Variants in NCAPD3 observed in about 807,000 individuals in gnomAD.
NCAPD3 encodes the protein non-SMC condensin II complex subunit D3.
NCAPD3 carries 105 observed loss-of-function variants against 182.9 expected under a neutral mutation model. The observed-to-expected ratio is 0.57, with a 90% CI of 0.49 to 0.68. The LOEUF is 0.68. NCAPD3 is among the 30% of genes least tolerant of loss of function. The probability of loss-of-function intolerance (pLI) is 0.00; values close to 1 mark genes in which losing one functional copy is unlikely to be tolerated. For synonymous variants in NCAPD3, 815 were observed against 679.9 expected (o/e 1.20, Z -3.09); for missense variants, 1,944 against 1,837.0 (o/e 1.06, Z -1.07).
intron 28 of NCAPD3, among the ~76,000 whole-genome samples, chr11:134,161,211 C>A (rs1230513902): frequency 6.6e-6 from 1 of 152,068 alleles, no homozygotes; most frequent in African/African-American, 2.4e-5. Context: ...GCATTTATTT[C>A]TTAGTAAAAG....
chr11:134,191,704 A>G (rs10894784), intron 16 of NCAPD3, among the ~76,000 whole-genome samples: 66,955 of 151,922 alleles, frequency 0.44, 16,961 homozygotes, highest in African/African-American at 0.71. Flanking sequence ...AAATCTCTCC[A>G]TTCTAGAAAT....
chr11:134,164,879 A>C (rs549196455), intron 27 of NCAPD3, among the ~76,000 whole-genome samples: 68 of 147,466 alleles, frequency 4.6e-4, no homozygotes, highest in African/African-American at 1.7e-3. Flanking sequence ...CTACATACTC[A>C]CTTGTGACAT....
rs749564929 is a variant in NCAPD3, at chr11:134,192,642, C to T, written c.2045+47G>A. ...TAGGAGAAATTTATTAATACAAAGTCCTACGGCCTTCTTCTATAGGGAACA... is the reference window on the plus strand; with the variant it reads ...TAGGAGAAATTTATTAATACAAAGTTCTACGGCCTTCTTCTATAGGGAACA... On this transcript the variant is annotated intron_variant, in intron 16 of 34. Coordinates refer to ENST00000534548, the MANE Select transcript of NCAPD3 (RefSeq NM_015261.3). The T allele has an allele frequency of 7.2e-6, 11 of 1,520,522 alleles. 1 individual carries two copies. The highest frequency in any genetic ancestry group is 5.7e-5 in the South Asian group (5 of 88,214). 94.2% of individuals were successfully genotyped at this position (1,520,522 alleles called of 1,614,324 possible).
chr11:134,190,031 C>T (rs1193923522), intron 16 of NCAPD3, among the ~76,000 whole-genome samples: 1 of 152,198 alleles, frequency 6.6e-6, no homozygotes, highest in Non-Finnish European at 1.5e-5. Flanking sequence ...ATAGAGATTA[C>T]TGACCTATTG....
At chr11:134,188,113 C>A (rs1185231630) in intron 16 of NCAPD3, among the ~76,000 whole-genome samples, 1 of 152,166 alleles carries the variant, frequency 6.6e-6, no homozygotes, top group African/African-American at 2.4e-5. Flanking sequence ...ATTGTAAGCA[C>A]ACCAATCAGC....
chr11:134,170,644 T>A (rs961728608), intron 24 of NCAPD3, among the ~76,000 whole-genome samples: 1 of 152,250 alleles, frequency 6.6e-6, no homozygotes, highest in East Asian at 1.9e-4. Flanking sequence ...TCAATGCCAA[T>A]CGACTCAGTT....
intron 16 of NCAPD3, among the ~76,000 whole-genome samples, chr11:134,191,172 T>A (rs1373849250): frequency 6.6e-6 from 1 of 152,202 alleles, no homozygotes; most frequent in East Asian, 1.9e-4. Flanking sequence ...TGATTCCAGG[T>A]TTAATAATGA....
chr11:134,175,896 C>T (rs1191176218), intron 24 of NCAPD3, among the ~76,000 whole-genome samples: 1 of 152,072 alleles, frequency 6.6e-6, no homozygotes, highest in African/African-American at 2.4e-5. Context: ...TTCCTAGTTT[C>T]CTCCTTAAAA....
At chr11:134,198,997 G>A (rs1266854556) in intron 13 of NCAPD3, among the ~76,000 whole-genome samples, 8 of 152,012 alleles carry the variant, frequency 5.3e-5, no homozygotes, top group Admixed American at 6.6e-5. Flanking sequence ...ATTAACAAAC[G>A]AACATGGCAA....
At chr11:134,165,231 G>T (rs61909691) in intron 27 of NCAPD3, among the ~76,000 whole-genome samples, 1 of 150,262 alleles carries the variant, frequency 6.7e-6, no homozygotes, top group East Asian at 2.0e-4. Flanking sequence ...GAGCTTAGGG[G>T]AGCAGCACGC....
chr11:134,215,910 G>C (rs116764559), intron 3 of NCAPD3, among the ~76,000 whole-genome samples: 2 of 152,244 alleles, frequency 1.3e-5, no homozygotes, highest in South Asian at 4.2e-4. Context: ...TCATAAACCC[G>C]AAACATTTAA....
intron 13 of NCAPD3, 47 bp from the exon 14 acceptor site, chr11:134,194,785 A>T (rs368946247): frequency 1.2e-5 from 15 of 1,298,232 alleles, no homozygotes; most frequent in Middle Eastern, 3.7e-4. Flanking sequence ...GAAAAGTCAC[A>T]CAGCAGCTAA....
intron 3 of NCAPD3, among the ~76,000 whole-genome samples, chr11:134,212,072 A>C (rs1035550862): frequency 2.0e-5 from 3 of 152,214 alleles, no homozygotes; most frequent in African/African-American, 7.2e-5. Flanking sequence ...AGCAAAAAAA[A>C]GTTAACTCAG....
chr11:134,191,982 C>T (rs140867406), intron 16 of NCAPD3, among the ~76,000 whole-genome samples: 6 of 152,222 alleles, frequency 3.9e-5, no homozygotes, highest in African/African-American at 1.2e-4. Context: ...CTTGTGGCAT[C>T]ATGCTGACAT....
chr11:134,177,620 T>C (rs1485813527), intron 22 of NCAPD3, 163 bp from the exon 23 acceptor site: 5 of 620,546 alleles, frequency 8.1e-6, no homozygotes, highest in Non-Finnish European at 1.4e-5. Context: ...CAGACCCATC[T>C]TGAATAGTCG....
chr11:134,214,296 C>T (rs1411040869), intron 3 of NCAPD3, among the ~76,000 whole-genome samples: 1 of 152,164 alleles, frequency 6.6e-6, no homozygotes, highest in African/African-American at 2.4e-5. Flanking sequence ...GGAAAATAAA[C>T]TCAATTTACT....
chr11:134,184,707 A>G lies in NCAPD3; in HGVS notation c.2381T>C (p.Val794Ala). Residue 794 changes from valine to alanine, a missense_variant, in exon 19 of 35, where the codon GTG becomes GCG. Physicochemically the swap from Val to Ala is moderately conservative, Grantham distance 64. This residue lies in a region of NCAPD3 where 1,803 missense variants were observed against 1,674.6 expected (regional missense o/e 1.08). Coordinates refer to ENST00000534548, the MANE Select transcript of NCAPD3 (RefSeq NM_015261.3). Reference protein sequence around the residue: ...KLNGFQWSLEVISSAVDALQR... With the variant: ...KLNGFQWSLEAISSAVDALQR... ...CAAGGCGTCAACAGCTGAACTGATC[A>G]CCTCTAGAGACCACTGAAATCCATT... 1 of 1,613,850 alleles carries G rather than the reference A, an allele frequency of 6.2e-7. No individual in the cohort carries two copies. Among genetic ancestry groups the G allele is most frequent in the Non-Finnish European group, 8.5e-7 (1 of 1,179,958 alleles).
intron 24 of NCAPD3, among the ~76,000 whole-genome samples, chr11:134,175,656 T>C (rs1944142944): frequency 6.6e-6 from 1 of 152,174 alleles, no homozygotes; most frequent in South Asian, 2.1e-4. Context: ...ACTTTCCAAC[T>C]GCAGACTTGC....
chr11:134,221,902 G>A (rs1338673967), intron 1 of NCAPD3, among the ~76,000 whole-genome samples: 3 of 152,136 alleles, frequency 2.0e-5, no homozygotes, highest in African/African-American at 7.2e-5. Flanking sequence ...CCAAAGACAT[G>A]GAATATGCTG....
Sources: allele counts gnomAD v4.1 joint callset (sites outside exome capture counted in the v4.1 genomes callset), GRCh38; gene constraint gnomAD v4.1.1; regional missense constraint gnomAD v4.1.1; transcripts MANE v1.5; gene names NCBI Gene and HGNC (gene_info 2026-07-23, HGNC 2026-07-21).